Variants in HTR2B observed in about 807,000 individuals in gnomAD.
The protein encoded by HTR2B is 5-HT 2B receptor.
Under a neutral mutation model 39.8 loss-of-function variants are expected in HTR2B, and 31 were observed. The ratio of observed to expected loss-of-function variants is 0.78; its 90% CI spans 0.58 to 1.05. HTR2B has a LOEUF of 1.05. Among genes scored for constraint, HTR2B ranks in the 50% least tolerant of loss-of-function variants. The pLI, the probability that HTR2B is intolerant of heterozygous loss-of-function variation, is 0.00. For synonymous variants in HTR2B, 210 were observed against 207.1 expected (o/e 1.01, Z -0.12); for missense variants, 562 against 578.0 (o/e 0.97, Z 0.28).
intron 2 of HTR2B, among the ~76,000 whole-genome samples, chr2:231,120,811 G>A (rs1048250555): frequency 3.3e-5 from 5 of 152,114 alleles, no homozygotes; most frequent in Non-Finnish European, 5.9e-5. Flanking sequence ...AACCAAGAAC[G>A]CTTGTTTGTA....
At position 231,113,729 on chromosome 2, in the gene HTR2B, C is replaced by A. The variant is rs200272468; in HGVS notation, c.553G>T (p.Gly185Cys). 1.4e-4 allele frequency: 225 copies of A among 1,612,558 alleles called. No individual in the cohort carries two copies. Among genetic ancestry groups the A allele is most frequent in the Non-Finnish European group, 1.8e-4 (212 of 1,178,772 alleles). Reference protein sequence around the residue: ...KITVVWLISIGIAIPVPIKGI... With the variant: ...KITVVWLISICIAIPVPIKGI... ...CCACACTCTGGCATTCTCTACATAC[C>A]TATTGAAATTAACCACACCACTGTA... The change falls in exon 3 of 4, where the codon GGC (glycine) becomes TGC (cysteine). Residue 185 changes from glycine to cysteine, a missense_variant and splice_region_variant. Physicochemically the swap from Gly to Cys is radical, Grantham distance 159 (BLOSUM62 -3). Transcript: ENST00000258400.
At chr2:231,114,016 C>G in intron 2 of HTR2B, 87 bp from the exon 3 acceptor site, 2 of 1,047,876 alleles carry the variant, frequency 1.9e-6, no homozygotes, top group South Asian at 2.7e-5. Context: ...CATCTTTTGT[C>G]TTTTTTGTTA....
rs1229553417 is a variant in HTR2B, at chr2:231,123,736, A to G, written c.29T>C (p.Leu10Pro). 4 of 1,613,916 alleles carry G rather than the reference A, an allele frequency of 2.5e-6. No individual in the cohort carries two copies. The highest frequency in any genetic ancestry group is 3.4e-6 in the Non-Finnish European group (4 of 1,179,886). ...AATGTGCTCAGGAATTGTGCTTTGA[A>G]GTTCAGACACTCTGTAAGAGAGAGC... Reference protein sequence around the residue: MALSYRVSELQSTIPEHILQ... With the variant: MALSYRVSEPQSTIPEHILQ... Residue 10 changes from leucine to proline, a missense_variant, in exon 2 of 4, where the codon CTT becomes CCT. By Grantham distance (98) the Leu-to-Pro change is moderately conservative. Transcript: ENST00000258400.
intron 2 of HTR2B, among the ~76,000 whole-genome samples, chr2:231,115,177 T>TA (rs1695286886): frequency 6.6e-6 from 1 of 150,594 alleles, no homozygotes; most frequent in Non-Finnish European, 1.5e-5. Flanking sequence ...GGAGAGAGAT[T>TA]AAAATCTCAG....
chr2:231,123,912 A>C lies in HTR2B; in HGVS notation c.-148T>G. 1.4e-6 allele frequency: 1 copy of C among 697,362 alleles called. No homozygotes were observed. The highest frequency in any genetic ancestry group is 1.5e-5 in the South Asian group (1 of 66,456). 43.2% of individuals were successfully genotyped at this position (697,362 alleles called of 1,614,324 possible). Reference sequence around the variant, plus strand: ...ACCTTCCTTTAAAAAAAAAAATTCAAGTTCTCTAAAATGAGCGCATACACA... The same window carrying C: ...ACCTTCCTTTAAAAAAAAAAATTCACGTTCTCTAAAATGAGCGCATACACA... On this transcript the variant is annotated 5_prime_UTR_variant, in exon 2 of 4. Transcript: ENST00000258400.
chr2:231,113,880 A>G lies in HTR2B; in HGVS notation c.402T>C (p.Leu134=). 1.2e-6 allele frequency: 2 copies of G among 1,614,194 alleles called. No homozygotes were observed. The highest frequency in any genetic ancestry group is 1.7e-6 in the Non-Finnish European group (2 of 1,180,010). ...PLVLCPAWLF[L]DVLFSTASIM... Reference sequence around the variant, plus strand: ...TGGATGCGGTTGAAAAGAGAACGTCAAGAAATAACCAGGCAGGACATAGAA... The same window carrying G: ...TGGATGCGGTTGAAAAGAGAACGTCGAGAAATAACCAGGCAGGACATAGAA... The change falls in exon 3 of 4, where the codon CTT becomes CTC. Residue 134 remains leucine (L), a synonymous_variant. Transcript: ENST00000258400.
intron 3 of HTR2B, among the ~76,000 whole-genome samples, chr2:231,111,535 G>A (rs2125209556): frequency 6.6e-6 from 1 of 152,244 alleles, no homozygotes; most frequent in African/African-American, 2.4e-5. Flanking sequence ...CTGTTGCCAG[G>A]TATTACCTAG....
At chr2:231,122,985 T>C (rs747914493) in intron 2 of HTR2B, among the ~76,000 whole-genome samples, 2 of 152,168 alleles carry the variant, frequency 1.3e-5, no homozygotes, top group Non-Finnish European at 1.5e-5. Context: ...GTGATTTAAA[T>C]TGGGATTTAG....
chr2:231,116,328 A>G (rs1230643675), intron 2 of HTR2B, among the ~76,000 whole-genome samples: 1 of 152,178 alleles, frequency 6.6e-6, no homozygotes, highest in Non-Finnish European at 1.5e-5. Context: ...ATACTCGTCT[A>G]GAGCTATAAT....
intron 3 of HTR2B, among the ~76,000 whole-genome samples, chr2:231,111,024 T>C (rs1158898905): frequency 6.6e-6 from 1 of 152,240 alleles, no homozygotes; most frequent in Non-Finnish European, 1.5e-5. Flanking sequence ...CTTAATACTT[T>C]CTTCTCCATC....
intron 2 of HTR2B, among the ~76,000 whole-genome samples, chr2:231,122,699 G>A (rs1695585952): frequency 6.6e-6 from 1 of 151,936 alleles, no homozygotes; most frequent in Non-Finnish European, 1.5e-5. Flanking sequence ...AGATTTCAGT[G>A]TCAAACTATA....
chr2:231,108,980 A>G lies in HTR2B; in HGVS notation c.983T>C (p.Ile328Thr). The change falls in exon 4 of 4, where the codon ATT (isoleucine) becomes ACT (threonine). Residue 328 changes from isoleucine (I) to threonine (T), a missense_variant. Coordinates refer to ENST00000258400, the MANE Select transcript of HTR2B (RefSeq NM_000867.5). The stretch of plus-strand genomic sequence containing the variant: ...CATAAGCAAAAAGAGGAAAAACACA[A>G]TCCCTAGGACCTTTGAGGCTCTCTG... ...NEQRASKVLGIVFFLFLLMWC... is the reference protein window; with the variant it reads ...NEQRASKVLGTVFFLFLLMWC... 2 of 1,614,190 alleles carry G rather than the reference A, an allele frequency of 1.2e-6. No individual in the cohort carries two copies. The highest frequency in any genetic ancestry group is 1.7e-6 in the Non-Finnish European group (2 of 1,180,012).
At chr2:231,122,885 T>G (rs749406226) in intron 2 of HTR2B, among the ~76,000 whole-genome samples, 1 of 152,140 alleles carries the variant, frequency 6.6e-6, no homozygotes, top group Admixed American at 6.5e-5. Context: ...ATGACACATA[T>G]GTAGGAATTG....
intron 3 of HTR2B, 32 bp downstream of exon 3, chr2:231,113,697 A>C: frequency 3.8e-6 from 6 of 1,583,980 alleles, no homozygotes; most frequent in Non-Finnish European, 4.3e-6. Flanking sequence ...AAGATTTTGT[A>C]TACCACCCAC....
At chr2:231,116,195 G>C (rs1450229279) in intron 2 of HTR2B, among the ~76,000 whole-genome samples, 1 of 152,138 alleles carries the variant, frequency 6.6e-6, no homozygotes, top group Non-Finnish European at 1.5e-5. Flanking sequence ...GCTTCAAAGC[G>C]AACTAACAGT....
At chr2:231,115,013 T>C (rs541903858) in intron 2 of HTR2B, among the ~76,000 whole-genome samples, 1 of 152,194 alleles carries the variant, frequency 6.6e-6, no homozygotes, top group Non-Finnish European at 1.5e-5. Flanking sequence ...AAATGTAATC[T>C]ACTTTTCTTC....
rs1559233494 is a variant in HTR2B at position 231,109,030 on chromosome 2, C to T, written c.933G>A (p.Lys311=). 2.5e-6 allele frequency: 4 copies of T among 1,614,232 alleles called. No homozygotes were observed. In the Admixed American group the frequency reaches 6.7e-5, roughly 27 times the overall value. ...GTTCGTTGGAAATGGTCTGCACTGA[C>T]TTTTTCCCAATTGTGGATGTTCTTC... ...LMRRTSTIGK[K]SVQTISNEQR... The change falls in exon 4 of 4, where the codon AAG becomes AAA. Residue 311 remains lysine, a synonymous_variant. Coordinates refer to ENST00000258400, the MANE Select transcript of HTR2B (RefSeq NM_000867.5).
intron 3 of HTR2B, among the ~76,000 whole-genome samples, chr2:231,113,262 A>G (rs139982533): frequency 1.5e-3 from 225 of 152,260 alleles, no homozygotes; most frequent in Non-Finnish European, 2.6e-3. Flanking sequence ...TCCAAGATGA[A>G]TTTGTGTTCT....
Position 231,117,875 on chromosome 2 carries a change from A to G in HTR2B, c.353-3946T>C, listed in dbSNP as rs1380685768. On this transcript the variant is annotated intron_variant, in intron 2 of 3. Coordinates refer to ENST00000258400, the MANE Select transcript of HTR2B (RefSeq NM_000867.5). Reference sequence around the variant, plus strand: ...GTTCTAACTTGTCCCTAGGGGGGAAAAAATTCTGTGATCCTCTGAACAGTT... The same window carrying G: ...GTTCTAACTTGTCCCTAGGGGGGAAGAAATTCTGTGATCCTCTGAACAGTT... Among the ~76,000 whole-genome samples, 4 of 152,176 alleles carry G rather than the reference A, an allele frequency of 2.6e-5. No individual in the cohort carries two copies. The East Asian group carries it at 7.7e-4, about 29-fold the overall frequency.
Sources: gnomAD v4.1 joint callset for allele counts (sites outside exome capture counted in the v4.1 genomes callset) on GRCh38, gnomAD v4.1.1 for gene constraint, MANE v1.5 for transcripts, NCBI Gene and HGNC (gene_info 2026-07-23, HGNC 2026-07-21) for gene names.